CNTNAP2: variants seen among roughly 807,000 people sequenced by gnomAD.
CNTNAP2 encodes the protein contactin associated protein 2.
Under a neutral mutation model 155.2 loss-of-function variants are expected in CNTNAP2, and 98 were observed. The observed-to-expected ratio is 0.63, with a 90% CI of 0.54 to 0.75. The LOEUF (loss-of-function observed/expected upper bound fraction) is 0.75. Among genes scored for constraint, CNTNAP2 ranks in the 30% least tolerant of loss-of-function variants. The pLI is 0.00. For missense variants in CNTNAP2, 1,727 were observed against 1,688.1 expected, an observed-to-expected ratio of 1.02 and a Z score of -0.40; for synonymous variants, 651 against 631.2, an observed-to-expected ratio of 1.03 and a Z score of -0.47.
At chr7:147,698,570 G>T (rs2117001150) in intron 13 of CNTNAP2, among the ~76,000 whole-genome samples, 1 of 152,132 alleles carries the variant, frequency 6.6e-6, no homozygotes, top group Admixed American at 6.5e-5. Flanking sequence ...CAAATGACAG[G>T]ACTTTTTTTT....
chr7:146,966,640 T>C (rs1022463252), intron 3 of CNTNAP2, among the ~76,000 whole-genome samples: 2 of 152,232 alleles, frequency 1.3e-5, no homozygotes, highest in African/African-American at 4.8e-5. Context: ...TTACACAGTA[T>C]GAGCAAGTAT....
intron 1 of CNTNAP2, among the ~76,000 whole-genome samples, chr7:146,293,238 A>G (rs551828643): frequency 2.6e-5 from 4 of 152,330 alleles, no homozygotes; most frequent in Middle Eastern, 6.8e-3. Context: ...TTATAATACC[A>G]TGAACATAGG....
chr7:148,075,480 T>C (rs1212316773), intron 15 of CNTNAP2, among the ~76,000 whole-genome samples: 1 of 151,728 alleles, frequency 6.6e-6, no homozygotes, highest in East Asian at 1.9e-4. Context: ...CTGAAATACA[T>C]GATTTCCAGT....
At chr7:148,149,914 C>G (rs2116656149) in intron 17 of CNTNAP2, among the ~76,000 whole-genome samples, 1 of 152,064 alleles carries the variant, frequency 6.6e-6, no homozygotes, top group South Asian at 2.1e-4. Flanking sequence ...AATTTCAGAA[C>G]AGGAGGCTGA....
At chr7:147,091,184 A>G (rs942480959) in intron 4 of CNTNAP2, among the ~76,000 whole-genome samples, 110 of 152,194 alleles carry the variant, frequency 7.2e-4, no homozygotes, top group African/African-American at 2.6e-3. Flanking sequence ...AAACAGACCC[A>G]GAAAGTGAAT....
At chr7:146,240,650 AAATT>A (rs1563003415) in intron 1 of CNTNAP2, among the ~76,000 whole-genome samples, 2 of 152,098 alleles carry the variant, frequency 1.3e-5, no homozygotes, top group East Asian at 1.9e-4. Context: ...ATTTTTTCTC[AAATT>A]AAGTGTGAAA....
At chr7:147,628,551 A>G (rs1032150150) in intron 12 of CNTNAP2, among the ~76,000 whole-genome samples, 10 of 152,192 alleles carry the variant, frequency 6.6e-5, no homozygotes, top group Non-Finnish European at 1.2e-4. Context: ...CTATAAAACA[A>G]TAACACAATT....
At chr7:146,606,847 G>T (rs866620798) in intron 1 of CNTNAP2, among the ~76,000 whole-genome samples, 3 of 152,170 alleles carry the variant, frequency 2.0e-5, no homozygotes, top group African/African-American at 2.4e-5. Flanking sequence ...CAGTCGGTGA[G>T]TGTCCCTGAT....
At chr7:146,802,604 C>T (rs998435214) in intron 2 of CNTNAP2, among the ~76,000 whole-genome samples, 1 of 152,078 alleles carries the variant, frequency 6.6e-6, no homozygotes, top group Non-Finnish European at 1.5e-5. Flanking sequence ...TTCTTTGTTT[C>T]CTGTCTCCTG....
intron 18 of CNTNAP2, among the ~76,000 whole-genome samples, chr7:148,211,130 TA>T (rs1309373737): frequency 6.6e-6 from 1 of 152,212 alleles, no homozygotes; most frequent in Non-Finnish European, 1.5e-5. Context: ...AAAAAGCAGT[TA>T]ATGAGAGTGA....
chr7:146,414,798 A>C (rs1305293406), intron 1 of CNTNAP2, among the ~76,000 whole-genome samples: 2 of 152,152 alleles, frequency 1.3e-5, no homozygotes, highest in East Asian at 1.9e-4. Context: ...ACACTTGCCA[A>C]GTATCTGGGA....
At chr7:147,486,085 A>G (rs762361683) in intron 11 of CNTNAP2, 44 bp downstream of exon 11, 1 of 1,529,672 alleles carries the variant, frequency 6.5e-7, no homozygotes, top group Admixed American at 1.7e-5. Flanking sequence ...ATTGCATGAG[A>G]ATCTCAAGTC....
intron 1 of CNTNAP2, among the ~76,000 whole-genome samples, chr7:146,396,613 A>T (rs919347044): frequency 4.6e-5 from 7 of 151,604 alleles, no homozygotes; most frequent in South Asian, 2.1e-4. Context: ...ATGCTGCAGA[A>T]TTAAAAGTCG....
chr7:147,082,003 G>T (rs1395495851), intron 4 of CNTNAP2: 6 of 152,106 alleles, frequency 3.9e-5, no homozygotes, highest in African/African-American at 1.4e-4. Flanking sequence ...AATGTTTATA[G>T]AACTGGAAGA....
chr7:147,432,265 C>T (rs891725957), intron 10 of CNTNAP2, among the ~76,000 whole-genome samples: 1 of 152,122 alleles, frequency 6.6e-6, no homozygotes, highest in African/African-American at 2.4e-5. Flanking sequence ...GATGGCATAG[C>T]ACCCCCTCCA....
chr7:146,930,231 G>A (rs1188991330), intron 3 of CNTNAP2, among the ~76,000 whole-genome samples: 1 of 152,218 alleles, frequency 6.6e-6, no homozygotes, highest in African/African-American at 2.4e-5. Flanking sequence ...CAGACTAACA[G>A]CGGATCTCTC....
At chr7:146,589,937 A>C (rs1040946194) in intron 1 of CNTNAP2, among the ~76,000 whole-genome samples, 6 of 152,200 alleles carry the variant, frequency 3.9e-5, no homozygotes, top group Admixed American at 2.0e-4. Context: ...AGAGCACAAA[A>C]GAGATTTTCA....
chr7:147,644,440 G>T (rs760844617), intron 13 of CNTNAP2, among the ~76,000 whole-genome samples: 1 of 152,136 alleles, frequency 6.6e-6, no homozygotes, highest in East Asian at 1.9e-4. Flanking sequence ...GGCCAACATG[G>T]TGAAAACCCG....
chr7:146,937,807 T>G (rs1796954744), intron 3 of CNTNAP2, among the ~76,000 whole-genome samples: 1 of 152,200 alleles, frequency 6.6e-6, no homozygotes, highest in Non-Finnish European at 1.5e-5. Context: ...AGCACAAAGT[T>G]TGAAGACAGC....
Sources: gnomAD v4.1 joint callset for allele counts (sites outside exome capture counted in the v4.1 genomes callset) on GRCh38, gnomAD v4.1.1 for gene constraint, MANE v1.5 for transcripts, NCBI Gene and HGNC (gene_info 2026-07-23, HGNC 2026-07-21) for gene names.